ARHGEF3: variants seen among roughly 807,000 people sequenced by gnomAD.
ARHGEF3 encodes Rho guanine nucleotide exchange factor 3.
ARHGEF3 carries 28 observed loss-of-function variants against 63.2 expected under a neutral mutation model. The ratio of observed to expected loss-of-function variants is 0.44; its 90% CI spans 0.33 to 0.61. The LOEUF is 0.61. Ranked by LOEUF, ARHGEF3 falls within the 20% of genes least tolerant of loss-of-function variation. ARHGEF3 has a pLI of 0.03. For synonymous variants in ARHGEF3, 266 were observed against 254.2 expected, an observed-to-expected ratio of 1.05 and a Z score of -0.44; for missense variants, 533 against 659.3, an observed-to-expected ratio of 0.81 and a Z score of 2.10.
At chr3:57,070,333 C>T (rs1364845415) in intron 1 of ARHGEF3, among the ~76,000 whole-genome samples, 1 of 146,072 alleles carries the variant, frequency 6.8e-6, no homozygotes, top group African/African-American at 2.8e-5. Context: ...ATGTCTTACC[C>T]AAGCCTTAAA....
chr3:56,870,226 T>C (rs1341337387), intron 4 of ARHGEF3, among the ~76,000 whole-genome samples: 2 of 152,164 alleles, frequency 1.3e-5, no homozygotes, highest in African/African-American at 2.4e-5. Context: ...AGATACAGCT[T>C]ACACTAAATT....
In ARHGEF3 at chr3:56,972,445, G is replaced by A. The variant is rs1278406566; in HGVS notation, c.63-13556C>T. Among the ~76,000 whole-genome samples the A allele has an allele frequency of 3.3e-5, 5 of 152,058 alleles. No homozygotes were observed. In the East Asian group the frequency reaches 7.7e-4, roughly 23 times the overall value. ...GTGCTAGGCATTATTTTAGGCATAG[G>A]GATACAGCAGAGGAAAAAATATAGT... On this transcript the variant is annotated intron_variant, in intron 2 of 12. Coordinates refer to the ARHGEF3 transcript ENST00000338458.
chr3:57,077,727 C>G (rs1706281933), intron 1 of ARHGEF3, among the ~76,000 whole-genome samples: 1 of 152,084 alleles, frequency 6.6e-6, no homozygotes, highest in South Asian at 2.1e-4. Flanking sequence ...TACCCACCCT[C>G]CCCCCAACCA....
chr3:56,899,526 G>T (rs2041434671), intron 3 of ARHGEF3, among the ~76,000 whole-genome samples: 1 of 152,032 alleles, frequency 6.6e-6, no homozygotes, highest in Admixed American at 6.6e-5. Flanking sequence ...ATTTTATTTT[G>T]ATACTTATCT....
At chr3:56,985,371 G>A (rs1462820133) in intron 2 of ARHGEF3, among the ~76,000 whole-genome samples, 2 of 152,246 alleles carry the variant, frequency 1.3e-5, no homozygotes, top group South Asian at 2.1e-4. Flanking sequence ...TTGCAGGCGT[G>A]AGCCACCGCG....
chr3:57,024,943 T>G (rs1703411454), intron 2 of ARHGEF3, among the ~76,000 whole-genome samples: 1 of 152,224 alleles, frequency 6.6e-6, no homozygotes, highest in Admixed American at 6.5e-5. Context: ...ATCCTGACGT[T>G]GGAGTGATGT....
chr3:56,976,796 G>A (rs150992621), intron 2 of ARHGEF3, among the ~76,000 whole-genome samples: 2 of 152,264 alleles, frequency 1.3e-5, no homozygotes, highest in African/African-American at 4.8e-5. Context: ...AAATGTGGGA[G>A]TGGAACTGCG....
At chr3:56,802,182 G>A (rs556046448), upstream of ARHGEF3, among the ~76,000 whole-genome samples, 1 of 152,204 alleles carries the variant, frequency 6.6e-6, no homozygotes, top group Non-Finnish European at 1.5e-5. Flanking sequence ...CCGCGATTGC[G>A]GGGCAGGCAG....
chr3:56,740,296 A>G (rs1355157660), intron 7 of ARHGEF3, among the ~76,000 whole-genome samples: 2 of 152,122 alleles, frequency 1.3e-5, no homozygotes, highest in African/African-American at 4.8e-5. Context: ...TATTTTAAAA[A>G]ATATAGGCTC....
intron 4 of ARHGEF3, among the ~76,000 whole-genome samples, chr3:56,879,774 A>G (rs2040706501): frequency 1.3e-5 from 2 of 152,206 alleles, no homozygotes; most frequent in Admixed American, 1.3e-4. Flanking sequence ...ATGCACAAAG[A>G]TAAAGTTCCT....
At chr3:56,869,466 G>C (rs1056089167) in intron 4 of ARHGEF3, among the ~76,000 whole-genome samples, 9 of 152,132 alleles carry the variant, frequency 5.9e-5, no homozygotes, top group Non-Finnish European at 1.0e-4. Flanking sequence ...AATTCTCCTG[G>C]TCACTTCATT....
intron 1 of ARHGEF3, among the ~76,000 whole-genome samples, chr3:56,797,920 C>T (rs1177934082): frequency 1.3e-5 from 2 of 152,236 alleles, no homozygotes; most frequent in Non-Finnish European, 2.9e-5. Context: ...ATATTAAATG[C>T]TGGACGGAAT....
At chr3:57,014,275 T>G (rs796200772) in intron 2 of ARHGEF3, among the ~76,000 whole-genome samples, 31 of 152,286 alleles carry the variant, frequency 2.0e-4, no homozygotes, top group African/African-American at 6.3e-4. Context: ...TAACACTCAC[T>G]GTGAGGGTCC....
intron 2 of ARHGEF3, among the ~76,000 whole-genome samples, chr3:57,003,847 G>A (rs1395687084): frequency 2.0e-5 from 3 of 152,204 alleles, no homozygotes; most frequent in East Asian, 1.9e-4. Context: ...CCAGGAAACC[G>A]ATCCTTCCCT....
intron 1 of ARHGEF3, among the ~76,000 whole-genome samples, chr3:57,070,971 C>CAAAA (rs1231328722): frequency 5.4e-4 from 26 of 48,340 alleles, no homozygotes; most frequent in South Asian, 7.8e-4. Flanking sequence ...GACTCTGTCA[C>CAAAA]AAAAAAAAAA....
At chr3:56,963,105 C>G (rs771668499) in intron 2 of ARHGEF3, among the ~76,000 whole-genome samples, 3 of 151,888 alleles carry the variant, frequency 2.0e-5, no homozygotes, top group Non-Finnish European at 4.4e-5. Flanking sequence ...TGGGGGACTT[C>G]AAGCAAGTTC....
chr3:56,943,877 G>T (rs1699315644), intron 3 of ARHGEF3, among the ~76,000 whole-genome samples: 1 of 148,654 alleles, frequency 6.7e-6, no homozygotes, highest in Non-Finnish European at 1.5e-5. Flanking sequence ...TCGCGCTACT[G>T]CACTCCAGCC....
intron 1 of ARHGEF3, chr3:57,074,206 G>A (rs1706097600): frequency 6.2e-7 from 1 of 1,614,046 alleles, no homozygotes; most frequent in Non-Finnish European, 8.5e-7. Context: ...TTTACTGAGG[G>A]CTGCTTTGTC....
intron 4 of ARHGEF3, among the ~76,000 whole-genome samples, chr3:56,839,324 G>C (rs1163831502): frequency 6.6e-6 from 1 of 151,756 alleles, no homozygotes; most frequent in Non-Finnish European, 1.5e-5. Flanking sequence ...TTTTTTTAAC[G>C]TTTTGGGTTT....
Sources: gnomAD v4.1 joint callset for allele counts (sites outside exome capture counted in the v4.1 genomes callset) on GRCh38, gnomAD v4.1.1 for gene constraint, MANE v1.5 for transcripts, NCBI Gene and HGNC (gene_info 2026-07-23, HGNC 2026-07-21) for gene names.